Variants in CTNNA3 observed in about 807,000 individuals in gnomAD.
The protein encoded by CTNNA3 is catenin alpha-3.
Under a neutral mutation model 95.7 loss-of-function variants are expected in CTNNA3, and 76 were observed. The ratio of observed to expected loss-of-function variants is 0.79; its 90% CI spans 0.66 to 0.96. The LOEUF (loss-of-function observed/expected upper bound fraction) is 0.96, where lower values mean the gene tolerates loss of function less well. Ranked by LOEUF, CTNNA3 falls within the 40% of genes least tolerant of loss-of-function variation. CTNNA3 has a pLI of 0.00. For synonymous variants in CTNNA3, 431 were observed against 374.4 expected, an observed-to-expected ratio of 1.15 and a Z score of -1.74; for missense variants, 1,191 against 1,089.8, an observed-to-expected ratio of 1.09 and a Z score of -1.31.
At chr10:66,229,377 G>C (rs2089473682) in intron 13 of CTNNA3, among the ~76,000 whole-genome samples, 1 of 151,872 alleles carries the variant, frequency 6.6e-6, no homozygotes, top group African/African-American at 2.4e-5. Flanking sequence ...CACGTGTCAG[G>C]CTCTCTTATG....
At chr10:66,509,044 G>T (rs1182934728) in intron 11 of CTNNA3, among the ~76,000 whole-genome samples, 1 of 151,868 alleles carries the variant, frequency 6.6e-6, no homozygotes, top group South Asian at 2.1e-4. Context: ...CAACACCAGC[G>T]TTTGTTATTT....
At chr10:66,292,913 T>C (rs1419215151) in intron 12 of CTNNA3, among the ~76,000 whole-genome samples, 3 of 152,168 alleles carry the variant, frequency 2.0e-5, no homozygotes, top group East Asian at 1.9e-4. Flanking sequence ...ATCCTCAAGA[T>C]GCCTAGAGAT....
chr10:67,403,704 A>G (rs937928321), intron 5 of CTNNA3, among the ~76,000 whole-genome samples: 8 of 152,158 alleles, frequency 5.3e-5, no homozygotes, highest in Non-Finnish European at 7.4e-5. Context: ...CTGCTCTACA[A>G]AAACGCAGGA....
At chr10:66,185,837 T>C (rs963903466) in intron 13 of CTNNA3, among the ~76,000 whole-genome samples, 3 of 152,004 alleles carry the variant, frequency 2.0e-5, no homozygotes, top group Non-Finnish European at 4.4e-5. Context: ...TTATCTAATA[T>C]TTAGATAAGA....
intron 1 of CTNNA3, among the ~76,000 whole-genome samples, chr10:67,731,915 C>G (rs909123585): frequency 6.6e-6 from 1 of 151,394 alleles, no homozygotes; most frequent in Non-Finnish European, 1.5e-5. Flanking sequence ...TACCCGCCAC[C>G]AAGCCCGGCT....
intron 5 of CTNNA3, among the ~76,000 whole-genome samples, chr10:67,443,767 G>GT (rs1453738227): frequency 6.6e-6 from 1 of 152,070 alleles, no homozygotes; most frequent in Non-Finnish European, 1.5e-5. Context: ...TCTGATGGTA[G>GT]TTTCTTTTGC....
At chr10:66,999,273 T>A (rs1386727036) in intron 7 of CTNNA3, among the ~76,000 whole-genome samples, 1 of 152,220 alleles carries the variant, frequency 6.6e-6, no homozygotes, top group South Asian at 2.1e-4. Flanking sequence ...TGAATAAAAA[T>A]GTAAATCAAT....
chr10:66,391,123 C>T (rs1473640352), intron 11 of CTNNA3, among the ~76,000 whole-genome samples: 1 of 151,994 alleles, frequency 6.6e-6, no homozygotes, highest in African/African-American at 2.4e-5. Flanking sequence ...ACAAAATTTG[C>T]CCAGTTTCTT....
In CTNNA3 at chr10:66,487,181, ATTTTTTTTTTTTTTTTTTTTTT is replaced by A. The variant is rs60547696; in HGVS notation, c.1531+33414_1531+33435del. On this transcript the variant is annotated intron_variant, in intron 11 of 17. Coordinates refer to ENST00000433211, the MANE Select transcript of CTNNA3 (RefSeq NM_013266.4). ...TACTTGAAATTTAATAAAAGGGCAGATTTTTTTTTTTTTTTTTTTTTTTTTTTTTTTTTTTTTTGAGACGGAA... is the reference window on the plus strand; with the variant it reads ...TACTTGAAATTTAATAAAAGGGCAGATTTTTTTTTTTTTTTTGAGACGGAA... Among the ~76,000 whole-genome samples, 78 of 45,986 alleles carry A rather than the reference ATTTTTTTTTTTTTTTTTTTTTT, an allele frequency of 1.7e-3. 1 individual carries two copies. Among genetic ancestry groups the A allele is most frequent in the African/African-American group, 6.4e-3 (71 of 11,114 alleles). 30.2% of individuals were successfully genotyped at this position (45,986 alleles called of 152,430 possible).
chr10:66,557,503 GT>G (rs1242449792), intron 10 of CTNNA3, among the ~76,000 whole-genome samples: 5 of 152,134 alleles, frequency 3.3e-5, no homozygotes, highest in Non-Finnish European at 7.4e-5. Context: ...GCATGCTTCA[GT>G]GAGGGTTTGT....
chr10:66,544,624 A>G (rs1841981623), intron 10 of CTNNA3, among the ~76,000 whole-genome samples: 1 of 152,152 alleles, frequency 6.6e-6, no homozygotes, highest in South Asian at 2.1e-4. Context: ...ATGACCATCT[A>G]GTCGTACCAT....
intron 13 of CTNNA3, among the ~76,000 whole-genome samples, chr10:66,218,417 C>T (rs1359121657): frequency 7.2e-5 from 11 of 152,098 alleles, no homozygotes; most frequent in African/African-American, 2.2e-4. Flanking sequence ...TTCTCTCTGT[C>T]TGTCTCTCTT....
chr10:67,033,996 G>A (rs1219418895), intron 7 of CTNNA3, among the ~76,000 whole-genome samples: 2 of 152,046 alleles, frequency 1.3e-5, no homozygotes, highest in Non-Finnish European at 2.9e-5. Context: ...GGTCTCAAAT[G>A]CCTTACCTCA....
At chr10:67,373,811 G>A (rs1843581657) in intron 5 of CTNNA3, among the ~76,000 whole-genome samples, 1 of 152,172 alleles carries the variant, frequency 6.6e-6, no homozygotes, top group Admixed American at 6.5e-5. Flanking sequence ...TACCCTGATG[G>A]ATGGGTGGGG....
chr10:65,979,533 A>G (rs997785250), intron 16 of CTNNA3, among the ~76,000 whole-genome samples: 1 of 152,104 alleles, frequency 6.6e-6, no homozygotes, highest in East Asian at 1.9e-4. Context: ...AATTCTGGTT[A>G]TTTGGAATTT....
At chr10:65,939,028 A>G (rs1007564008) in intron 17 of CTNNA3, among the ~76,000 whole-genome samples, 5 of 151,594 alleles carry the variant, frequency 3.3e-5, no homozygotes, top group African/African-American at 4.8e-5. Flanking sequence ...TCAGCCTCCC[A>G]AGTAGCTGGG....
At chr10:67,492,185 A>G (rs1326914157) in intron 5 of CTNNA3, among the ~76,000 whole-genome samples, 1 of 152,114 alleles carries the variant, frequency 6.6e-6, no homozygotes. Flanking sequence ...TCTGGGCAAT[A>G]TCAACATTTA....
At chr10:66,049,517 G>A (rs944970584) in intron 15 of CTNNA3, among the ~76,000 whole-genome samples, 2 of 152,122 alleles carry the variant, frequency 1.3e-5, no homozygotes, top group African/African-American at 4.8e-5. Context: ...ATTTACAGTC[G>A]CAAAGACATG....
chr10:67,328,855 G>T (rs1841665024), intron 5 of CTNNA3, among the ~76,000 whole-genome samples: 2 of 152,012 alleles, frequency 1.3e-5, no homozygotes, highest in African/African-American at 4.8e-5. Context: ...CTTTTTTTAT[G>T]ATTAATAGGA....
Sources: gnomAD v4.1 joint callset for allele counts (sites outside exome capture counted in the v4.1 genomes callset) on GRCh38, gnomAD v4.1.1 for gene constraint, MANE v1.5 for transcripts, NCBI Gene and HGNC (gene_info 2026-07-23, HGNC 2026-07-21) for gene names.